Variants in COG5 observed in about 807,000 individuals in gnomAD.
COG5 encodes the protein conserved oligomeric Golgi complex subunit 5.
COG5 carries 86 observed loss-of-function variants against 110.4 expected under a neutral mutation model. The observed-to-expected ratio is 0.78, with a 90% CI of 0.65 to 0.93. COG5 has a LOEUF of 0.93. Among genes scored for constraint, COG5 ranks in the 40% least tolerant of loss-of-function variants. The probability of loss-of-function intolerance (pLI) is 0.00; values close to 1 mark genes in which losing one functional copy is unlikely to be tolerated. For synonymous variants in COG5, 360 were observed against 334.6 expected (o/e 1.08, Z -0.83); for missense variants, 1,077 against 987.0 (o/e 1.09, Z -1.22).
chr7:107,331,399 C>T (rs189544583), intron 10 of COG5, among the ~76,000 whole-genome samples: 12 of 151,806 alleles, frequency 7.9e-5, no homozygotes, highest in African/African-American at 2.2e-4. Context: ...ACCCGGGAGG[C>T]GGAGCTTGCA....
chr7:107,208,533 GA>G (rs1355207530), intron 21 of COG5: 3 of 985,416 alleles, frequency 3.0e-6, no homozygotes, highest in East Asian at 2.3e-4. Context: ...GCAGCTGAGT[GA>G]ATCTTTGGGA....
intron 11 of COG5, among the ~76,000 whole-genome samples, chr7:107,315,158 CT>C (rs3839821): frequency 0.3 from 43,463 of 144,370 alleles, 6,456 homozygotes; most frequent in African/African-American, 0.37. Context: ...CTATTCTAAT[CT>C]TTTTTTTTTT....
At position 107,516,164 on chromosome 7, in the gene COG5, A is replaced by T. The variant is rs1285235438; in HGVS notation, c.538+11073T>A. Among the ~76,000 whole-genome samples, 12 of 152,326 alleles carry T rather than the reference A, an allele frequency of 7.9e-5. No homozygotes were observed. The East Asian group carries it at 2.3e-3, about 29-fold the overall frequency. ...CAATAAATATGTCTGCACTAAAATA[A>T]TTCTGCTTATTCTCTGACAATAAGA... On this transcript the variant is annotated intron_variant, in intron 6 of 21. Coordinates refer to ENST00000297135, the MANE Select transcript of COG5 (RefSeq NM_006348.5).
At chr7:107,437,914 T>C (rs1397991393) in intron 6 of COG5, among the ~76,000 whole-genome samples, 2 of 152,144 alleles carry the variant, frequency 1.3e-5, no homozygotes, top group Non-Finnish European at 2.9e-5. Flanking sequence ...TCTAGCAAAA[T>C]ATGTCCATGA....
intron 18 of COG5, among the ~76,000 whole-genome samples, chr7:107,232,709 A>G (rs992211363): frequency 6.6e-6 from 1 of 152,250 alleles, no homozygotes; most frequent in African/African-American, 2.4e-5. Flanking sequence ...GATATTGTAA[A>G]TCATTTTCTT....
At chr7:107,508,103 A>C (rs972161376) in intron 6 of COG5, among the ~76,000 whole-genome samples, 1 of 152,234 alleles carries the variant, frequency 6.6e-6, no homozygotes, top group East Asian at 1.9e-4. Flanking sequence ...GGGAAGAGCA[A>C]GGGGTCAGGG....
chr7:107,235,762 T>C (rs1801140215), intron 18 of COG5, among the ~76,000 whole-genome samples: 2 of 152,356 alleles, frequency 1.3e-5, no homozygotes, highest in Middle Eastern at 3.4e-3. Context: ...TCTTTGTTTC[T>C]GAATCTTTTA....
chr7:107,397,165 C>A (rs1157595498), intron 7 of COG5, among the ~76,000 whole-genome samples: 2 of 152,170 alleles, frequency 1.3e-5, no homozygotes, highest in East Asian at 3.8e-4. Flanking sequence ...TCAAATCTGG[C>A]CAGTGAGACA....
intron 6 of COG5, among the ~76,000 whole-genome samples, chr7:107,433,455 T>C (rs555722024): frequency 6.6e-6 from 1 of 152,220 alleles, no homozygotes; most frequent in East Asian, 1.9e-4. Flanking sequence ...ATAATAAAAA[T>C]TGTCTGGTAC....
intron 10 of COG5, among the ~76,000 whole-genome samples, chr7:107,334,373 C>T (rs1237124400): frequency 6.6e-6 from 1 of 151,932 alleles, no homozygotes; most frequent in African/African-American, 2.4e-5. Flanking sequence ...GTGTTCCAAG[C>T]TTGAAGATTA....
intron 7 of COG5, among the ~76,000 whole-genome samples, chr7:107,404,920 A>G (rs1473012348): frequency 6.6e-6 from 1 of 151,478 alleles, no homozygotes; most frequent in Non-Finnish European, 1.5e-5. Context: ...AGTTGGCCAG[A>G]AAACAAAAAT....
intron 12 of COG5, among the ~76,000 whole-genome samples, chr7:107,287,354 G>T (rs1052530686): frequency 2.0e-5 from 3 of 152,150 alleles, no homozygotes; most frequent in Non-Finnish European, 4.4e-5. Flanking sequence ...AAAATTTCTT[G>T]TGATAGTTCT....
intron 5 of COG5, among the ~76,000 whole-genome samples, chr7:107,543,000 T>C (rs1267752524): frequency 6.8e-6 from 1 of 147,900 alleles, no homozygotes; most frequent in Non-Finnish European, 1.5e-5. Flanking sequence ...AAAAGCAATA[T>C]AGATGAATTC....
chr7:107,478,506 A>G (rs146222379), intron 6 of COG5, among the ~76,000 whole-genome samples: 6 of 152,150 alleles, frequency 3.9e-5, no homozygotes, highest in African/African-American at 1.4e-4. Context: ...TTCCAGAAAT[A>G]AACAATTTAT....
chr7:107,453,986 T>A (rs1025346469), intron 6 of COG5, among the ~76,000 whole-genome samples: 1 of 151,554 alleles, frequency 6.6e-6, no homozygotes, highest in Non-Finnish European at 1.5e-5. Flanking sequence ...AGAAATTTAC[T>A]CAGATAAAAA....
intron 5 of COG5, among the ~76,000 whole-genome samples, chr7:107,546,604 A>G (rs1485498784): frequency 6.6e-6 from 1 of 151,474 alleles, no homozygotes; most frequent in Non-Finnish European, 1.5e-5. Context: ...TTGCTATAAG[A>G]GTTGGTGTTT....
At chr7:107,266,616 T>G (rs1000975613) in intron 14 of COG5, among the ~76,000 whole-genome samples, 1 of 152,218 alleles carries the variant, frequency 6.6e-6, no homozygotes, top group Non-Finnish European at 1.5e-5. Context: ...CTTTCTTGTT[T>G]AATAACTCGT....
At chr7:107,282,518 T>G (rs1214878497) in intron 13 of COG5, among the ~76,000 whole-genome samples, 1 of 152,190 alleles carries the variant, frequency 6.6e-6, no homozygotes, top group African/African-American at 2.4e-5. Context: ...ATTATACATG[T>G]GGCTTTTTAT....
At chr7:107,556,773 CTTTT>C (rs776813038) in intron 2 of COG5, among the ~76,000 whole-genome samples, 1 of 144,740 alleles carries the variant, frequency 6.9e-6, no homozygotes, top group Non-Finnish European at 1.5e-5. Context: ...TGTTTTCTTT[CTTTT>C]TTTTTTTTTT....
Sources: allele counts gnomAD v4.1 joint callset (sites outside exome capture counted in the v4.1 genomes callset), GRCh38; gene constraint gnomAD v4.1.1; transcripts MANE v1.5; gene names NCBI Gene and HGNC (gene_info 2026-07-23, HGNC 2026-07-21).